EGLN1: variants seen among roughly 807,000 people sequenced by gnomAD.
EGLN1 encodes the protein egl-9 family hypoxia inducible factor 1, also known as egl nine homolog 1.
Under a neutral mutation model 38.3 loss-of-function variants are expected in EGLN1, and 17 were observed. That is an observed-to-expected ratio of 0.44 (90% CI 0.30 to 0.67). The LOEUF (loss-of-function observed/expected upper bound fraction) is 0.67. Ranked by LOEUF, EGLN1 falls within the 30% of genes least tolerant of loss-of-function variation. The pLI, the probability that EGLN1 is intolerant of heterozygous loss-of-function variation, is 0.08. For synonymous variants in EGLN1, 283 were observed against 257.5 expected (o/e 1.10, Z -0.95); for missense variants, 477 against 603.3 (o/e 0.79, Z 2.19).
chr1:231,409,992 G>A (rs1186569922), intron 1 of EGLN1, among the ~76,000 whole-genome samples: 3 of 151,978 alleles, frequency 2.0e-5, no homozygotes, highest in East Asian at 3.9e-4. Flanking sequence ...AACCCAGGGG[G>A]AAAAAAAGTG....
At position 231,421,065 on chromosome 1, in the gene EGLN1, C is replaced by G; in HGVS notation, c.824G>C (p.Ser275Thr). 6.2e-7 allele frequency: 1 copy of G among 1,614,182 alleles called. No individual in the cohort carries two copies. The highest frequency in any genetic ancestry group is 8.5e-7 in the Non-Finnish European group (1 of 1,180,036). ...GCETIGLLMS[S>T]MDDLIRHCNG... The stretch of plus-strand genomic sequence containing the variant: ...ACAGTGGCGTATCAGGTCGTCCATG[C>G]TGCTCATGAGCAGCCCAATGGTTTC... Residue 275 changes from serine (S) to threonine (T), a missense_variant, in exon 1 of 5, where the codon AGC (serine) becomes ACC (threonine). By Grantham distance (58) the Ser-to-Thr change is moderately conservative (BLOSUM62 1). Coordinates refer to ENST00000366641, the MANE Select transcript of EGLN1 (RefSeq NM_022051.3). This position sits in a 1 kb window ranked among gnomAD's most constrained non-coding sequence, Gnocchi z 5.5.
At chr1:231,384,067 G>A (rs904692124) in intron 1 of EGLN1, among the ~76,000 whole-genome samples, 2 of 152,128 alleles carry the variant, frequency 1.3e-5, no homozygotes, top group African/African-American at 4.8e-5. Context: ...TAATAGATGA[G>A]AGTCAGAATA....
rs1336065364 is a variant in EGLN1 at position 231,421,482 on chromosome 1, G to A, written c.407C>T (p.Ser136Leu). 3 of 1,392,936 alleles carry A rather than the reference G, an allele frequency of 2.2e-6. No homozygotes were observed. The highest frequency in any genetic ancestry group is 2.8e-6 in the Non-Finnish European group (3 of 1,075,510). 86.3% of individuals were successfully genotyped at this position (1,392,936 alleles called of 1,614,324 possible). Residue 136 changes from serine to leucine, a missense_variant, in exon 1 of 5, where the codon TCG becomes TTG. By Grantham distance (145) the Ser-to-Leu change is moderately radical. This residue lies in a region of EGLN1 where 298 missense variants were observed against 288.9 expected (regional missense o/e 1.03). Coordinates refer to ENST00000366641, the MANE Select transcript of EGLN1 (RefSeq NM_022051.3). The surrounding 1 kb of genome is among the most constrained non-coding windows in gnomAD (Gnocchi z 5.5). ...GGGCTCGGCTTCGGCAGCCACCGCC[G>A]AGCCCTGGCCGCCGGCGGCCGCACG... is the stretch of plus-strand genomic sequence containing the variant. ...PCRAAAGGQGSAVAAEAEPGK... is the reference protein window; with the variant it reads ...PCRAAAGGQGLAVAAEAEPGK...
At chr1:231,373,569 G>A (rs1046844249) in intron 2 of EGLN1, among the ~76,000 whole-genome samples, 2 of 152,020 alleles carry the variant, frequency 1.3e-5, no homozygotes, top group Non-Finnish European at 2.9e-5. Flanking sequence ...TTTACAATTT[G>A]ATGAGTTTGG....
intron 1 of EGLN1, among the ~76,000 whole-genome samples, chr1:231,392,013 C>T (rs575987369): frequency 2.6e-5 from 4 of 152,314 alleles, no homozygotes; most frequent in South Asian, 2.1e-4. Context: ...ACAGGCTGGG[C>T]GCGGTGGCTC....
chr1:231,405,301 T>A (rs1369559796), intron 1 of EGLN1, among the ~76,000 whole-genome samples: 1 of 152,060 alleles, frequency 6.6e-6, no homozygotes, highest in African/African-American at 2.4e-5. Context: ...GTCTCCTGAG[T>A]AGCTGGGACT....
At chr1:231,385,525 T>C (rs945361673) in intron 1 of EGLN1, among the ~76,000 whole-genome samples, 10 of 152,320 alleles carry the variant, frequency 6.6e-5, no homozygotes, top group African/African-American at 2.4e-4. Flanking sequence ...AGACACATGC[T>C]GTGTAAACTG....
intron 1 of EGLN1, 73 bp downstream of exon 1, chr1:231,420,925 G>A: frequency 6.2e-7 from 1 of 1,612,710 alleles, no homozygotes; most frequent in East Asian, 2.2e-5. Context: ...CTCAGCCTAG[G>A]CAGTTTCAGT....
At chr1:231,378,559 G>A (rs1461778109) in intron 1 of EGLN1, among the ~76,000 whole-genome samples, 2 of 152,114 alleles carry the variant, frequency 1.3e-5, no homozygotes, top group African/African-American at 2.4e-5. Flanking sequence ...GCCTCCCAAA[G>A]TGCTAGGACT....
intron 1 of EGLN1, among the ~76,000 whole-genome samples, chr1:231,392,343 A>T (rs1688414787): frequency 6.6e-6 from 1 of 152,214 alleles, no homozygotes; most frequent in African/African-American, 2.4e-5. Context: ...TTTAAGAGAA[A>T]AACTAAGAAC....
chr1:231,405,536 G>A (rs1384808929), intron 1 of EGLN1, among the ~76,000 whole-genome samples: 1 of 152,070 alleles, frequency 6.6e-6, no homozygotes, highest in African/African-American at 2.4e-5. Flanking sequence ...CAACTCTTCT[G>A]TTAATTAGGT....
intron 1 of EGLN1, among the ~76,000 whole-genome samples, chr1:231,388,249 G>A (rs1688271346): frequency 6.8e-6 from 1 of 147,924 alleles, no homozygotes. Flanking sequence ...CCTCACATTT[G>A]TAATTAAATT....
intron 1 of EGLN1, among the ~76,000 whole-genome samples, chr1:231,411,789 G>A (rs1251988900): frequency 1.3e-5 from 2 of 151,796 alleles, no homozygotes; most frequent in Non-Finnish European, 1.5e-5. Flanking sequence ...ACGAGGTCAG[G>A]AGTTCAAGAT....
At chr1:231,399,152 T>C (rs1030173385) in intron 1 of EGLN1, among the ~76,000 whole-genome samples, 1 of 152,164 alleles carries the variant, frequency 6.6e-6, no homozygotes, top group African/African-American at 2.4e-5. Context: ...GATACAGAAG[T>C]GGATGAGATC....
Sources: allele counts gnomAD v4.1 joint callset (sites outside exome capture counted in the v4.1 genomes callset), GRCh38; gene constraint gnomAD v4.1.1; regional missense constraint gnomAD v4.1.1; non-coding constraint Gnocchi (gnomAD v3.1); transcripts MANE v1.5; gene names NCBI Gene and HGNC (gene_info 2026-07-23, HGNC 2026-07-21).